Variants in NAALADL2 observed in about 807,000 individuals in gnomAD.
NAALADL2 encodes inactive N-acetylated-alpha-linked acidic dipeptidase-like protein 2.
Under a neutral mutation model 87.2 loss-of-function variants are expected in NAALADL2, and 76 were observed. The observed-to-expected ratio is 0.87, with a 90% CI of 0.72 to 1.05. The LOEUF (loss-of-function observed/expected upper bound fraction) is 1.05, where lower values mean the gene tolerates loss of function less well. Among genes scored for constraint, NAALADL2 ranks in the 50% least tolerant of loss-of-function variants. The probability of loss-of-function intolerance (pLI) is 0.00; values close to 1 mark genes in which losing one functional copy is unlikely to be tolerated. For missense variants in NAALADL2, 1,089 were observed against 945.8 expected, an observed-to-expected ratio of 1.15 and a Z score of -1.99; for synonymous variants, 354 against 331.0, an observed-to-expected ratio of 1.07 and a Z score of -0.75.
intron 2 of NAALADL2, among the ~76,000 whole-genome samples, chr3:174,606,840 A>C (rs1344201494): frequency 6.6e-6 from 1 of 152,166 alleles, no homozygotes; most frequent in Non-Finnish European, 1.5e-5. Context: ...ATACTCCTCG[A>C]GAAGAGCAAC....
At position 175,677,478 on chromosome 3, in the gene NAALADL2, G is replaced by GTGT. The variant is rs1560961279; in HGVS notation, c.1896+50092_1896+50093insTGT. On this transcript the variant is annotated intron_variant, in intron 11 of 13. Transcript: ENST00000454872. ...TGGTGGCTGATAAATAGTATAATGGGGTGTGTGTGTGTGTGTGTGTGTGTG... is the reference window on the plus strand; with the variant it reads ...TGGTGGCTGATAAATAGTATAATGGGTGTGTGTGTGTGTGTGTGTGTGTGTGTG... Among the ~76,000 whole-genome samples, 735 of 140,192 alleles carry GTGT rather than the reference G, an allele frequency of 5.2e-3. 6 individuals carry two copies. Among genetic ancestry groups the GTGT allele is most frequent in the African/African-American group, 0.018 (699 of 38,252 alleles). 92.0% of individuals were successfully genotyped at this position (140,192 alleles called of 152,430 possible). A position where few individuals can be genotyped will look rare whatever the true frequency, so the allele number is the denominator to read the frequency against.
intron 3 of NAALADL2, among the ~76,000 whole-genome samples, chr3:174,774,336 G>A (rs565282842): frequency 3.3e-5 from 5 of 152,084 alleles, no homozygotes; most frequent in African/African-American, 7.2e-5. Flanking sequence ...GTAGACTCAC[G>A]TGCAAATCTG....
intron 1 of NAALADL2, among the ~76,000 whole-genome samples, chr3:174,507,884 T>C (rs2108382388): frequency 6.6e-6 from 1 of 152,216 alleles, no homozygotes; most frequent in East Asian, 1.9e-4. Context: ...TGCATGGATA[T>C]AAGTTTTTAT....
intron 2 of NAALADL2, among the ~76,000 whole-genome samples, chr3:175,176,745 G>T (rs1251964125): frequency 6.6e-6 from 1 of 151,978 alleles, no homozygotes; most frequent in Non-Finnish European, 1.5e-5. Context: ...ATGGAGTAAG[G>T]GGTCGGAGCC....
At chr3:174,942,328 A>AT (rs1236483584) in intron 1 of NAALADL2, among the ~76,000 whole-genome samples, 4 of 151,900 alleles carry the variant, frequency 2.6e-5, no homozygotes, top group Non-Finnish European at 5.9e-5. Context: ...TTGGTTGCAT[A>AT]TTTTTTTCTT....
intron 9 of NAALADL2, among the ~76,000 whole-genome samples, chr3:175,542,843 T>C (rs532535641): frequency 4.6e-5 from 7 of 152,350 alleles, no homozygotes; most frequent in Middle Eastern, 3.4e-3. Flanking sequence ...CTTGTGACCT[T>C]GAAGTGCCTT....
chr3:174,898,112 CAAAAAAAAAAAAAAAAAAA>C (rs913382744), intron 1 of NAALADL2, among the ~76,000 whole-genome samples: 1 of 14,498 alleles, frequency 6.9e-5, no homozygotes, highest in Non-Finnish European at 1.2e-4. Flanking sequence ...GACTCCGTCT[CAAAAAAAAAAAAAAAAAAA>C]AAAAAAAAAA....
chr3:175,542,079 G>A (rs1231045259), intron 9 of NAALADL2, among the ~76,000 whole-genome samples: 1 of 152,128 alleles, frequency 6.6e-6, no homozygotes, highest in African/African-American at 2.4e-5. Flanking sequence ...AATACCCAGA[G>A]AAGTTTTTAG....
At chr3:175,127,149 A>G (rs1401287019) in intron 2 of NAALADL2, among the ~76,000 whole-genome samples, 8 of 152,066 alleles carry the variant, frequency 5.3e-5, no homozygotes, top group Non-Finnish European at 1.2e-4. Flanking sequence ...TGCTCATGTA[A>G]TAAACAGATC....
intron 13 of NAALADL2, among the ~76,000 whole-genome samples, chr3:175,764,033 G>A (rs545627676): frequency 6.6e-6 from 1 of 151,906 alleles, no homozygotes; most frequent in African/African-American, 2.4e-5. Flanking sequence ...GATAGAAATA[G>A]GACTCTTAGG....
intron 1 of NAALADL2, among the ~76,000 whole-genome samples, chr3:174,544,489 C>G (rs1042802319): frequency 1.1e-4 from 17 of 151,310 alleles, no homozygotes; most frequent in African/African-American, 4.1e-4. Context: ...ACTATTTGCT[C>G]CCAAATGTTC....
rs867919319 is a variant in NAALADL2 at position 174,607,453 on chromosome 3, A to T, written c.-115+56816A>T. On this transcript the variant is annotated intron_variant, in intron 2 of 3. Transcript: ENST00000434257. ...CGTGCAGAGACACACATAGGCTCAA[A>T]ATAAAAGGATGGAGGAAGATCTACC... Among the ~76,000 whole-genome samples the T allele has an allele frequency of 8.2e-3, 1,241 of 150,724 alleles. 13 individuals carry two copies. The highest frequency in any genetic ancestry group is 0.029 in the African/African-American group (1,197 of 41,054).
chr3:175,584,825 A>T (rs551940107), intron 10 of NAALADL2, among the ~76,000 whole-genome samples: 1 of 152,364 alleles, frequency 6.6e-6, no homozygotes, highest in East Asian at 1.9e-4. Context: ...CTTATTATGA[A>T]TGGAGCTTTC....
At chr3:174,458,587 A>G (rs1716000827) in intron 1 of NAALADL2, 2 of 152,204 alleles carry the variant, frequency 1.3e-5, no homozygotes, top group Admixed American at 6.5e-5. Context: ...GTTCTTTGCC[A>G]AGCTCCAAGG....
At chr3:175,634,014 G>A (rs1171631852) in intron 11 of NAALADL2, among the ~76,000 whole-genome samples, 2 of 151,782 alleles carry the variant, frequency 1.3e-5, no homozygotes, top group South Asian at 2.1e-4. Context: ...AAATATTTGT[G>A]TAAAGCCTGA....
At chr3:174,605,295 A>G (rs1718892828) in intron 2 of NAALADL2, among the ~76,000 whole-genome samples, 1 of 152,134 alleles carries the variant, frequency 6.6e-6, no homozygotes, top group Admixed American at 6.5e-5. Flanking sequence ...TCTCACTAGG[A>G]AGTGCCAGAC....
At chr3:174,930,911 C>A (rs534521897) in intron 1 of NAALADL2, among the ~76,000 whole-genome samples, 1 of 151,864 alleles carries the variant, frequency 6.6e-6, no homozygotes, top group Non-Finnish European at 1.5e-5. Flanking sequence ...CATGAGCCAC[C>A]ACGCCCGGCC....
At chr3:175,175,155 G>C (rs558147218) in intron 2 of NAALADL2, among the ~76,000 whole-genome samples, 1 of 151,994 alleles carries the variant, frequency 6.6e-6, no homozygotes, top group Non-Finnish European at 1.5e-5. Flanking sequence ...TAATATAAAT[G>C]TGCAGAGCTA....
At chr3:175,575,934 G>A (rs1375468422) in intron 9 of NAALADL2, 107 bp from the exon 10 acceptor site, 3 of 898,836 alleles carry the variant, frequency 3.3e-6, no homozygotes. Flanking sequence ...ACAGTCTCCA[G>A]GGAGACATTG....
Sources: allele counts gnomAD v4.1 joint callset (sites outside exome capture counted in the v4.1 genomes callset), GRCh38; gene constraint gnomAD v4.1.1; transcripts MANE v1.5; gene names NCBI Gene and HGNC (gene_info 2026-07-23, HGNC 2026-07-21).